GALNTL6: variants seen among roughly 807,000 people sequenced by gnomAD.
GALNTL6 encodes the protein polypeptide N-acetylgalactosaminyltransferase-like 6.
Under a neutral mutation model 73.7 loss-of-function variants are expected in GALNTL6, and 46 were observed. That is an observed-to-expected ratio of 0.62 (90% CI 0.49 to 0.80). The LOEUF is 0.80. Ranked by LOEUF, GALNTL6 falls within the 30% of genes least tolerant of loss-of-function variation. The pLI, the probability that GALNTL6 is intolerant of heterozygous loss-of-function variation, is 0.00. For missense variants in GALNTL6, 604 were observed against 755.0 expected (o/e 0.80, Z 2.34); for synonymous variants, 259 against 263.7 (o/e 0.98, Z 0.17).
intron 3 of GALNTL6, among the ~76,000 whole-genome samples, chr4:172,308,547 C>T (rs1740239394): frequency 6.6e-6 from 1 of 152,054 alleles, no homozygotes; most frequent in Non-Finnish European, 1.5e-5. Flanking sequence ...TAAAGGGATG[C>T]TGGATTTTGT....
intron 5 of GALNTL6, among the ~76,000 whole-genome samples, chr4:172,398,971 C>CA (rs759530368): frequency 1.5e-4 from 22 of 151,198 alleles, no homozygotes; most frequent in Admixed American, 1.3e-3. Context: ...GAAATTAACA[C>CA]AAAAAAAATC....
In GALNTL6 at chr4:172,034,559, G is replaced by A. The variant is rs374072952; in HGVS notation, c.139-195097G>A. ...TCTTTGGCAAGTCAGACTCAGTGGTGTGATGTGCACACTTAGTCATCTTAC... is the reference window on the plus strand; with the variant it reads ...TCTTTGGCAAGTCAGACTCAGTGGTATGATGTGCACACTTAGTCATCTTAC... On this transcript the variant is annotated intron_variant, in intron 2 of 12. Coordinates refer to ENST00000506823, the MANE Select transcript of GALNTL6 (RefSeq NM_001034845.3). 7.2e-5 allele frequency among the ~76,000 whole-genome samples: 11 copies of A among 152,148 alleles called. No homozygotes were observed. In the South Asian group the frequency reaches 1.0e-3, roughly 14 times the overall value.
intron 10 of GALNTL6, among the ~76,000 whole-genome samples, chr4:173,001,463 A>G (rs923341584): frequency 7.2e-5 from 11 of 152,362 alleles, no homozygotes; most frequent in African/African-American, 2.6e-4. Context: ...AATGTCAATG[A>G]TCTCTTAAAT....
At chr4:172,871,611 AGTGTGTGTGT>A (rs5864173) in intron 7 of GALNTL6, among the ~76,000 whole-genome samples, 3 of 137,512 alleles carry the variant, frequency 2.2e-5, no homozygotes, top group African/African-American at 5.4e-5. Context: ...TGTGTGTGAG[AGTGTGTGTGT>A]GTGTGTGTGT....
At chr4:172,639,969 A>G (rs1739894667) in intron 5 of GALNTL6, among the ~76,000 whole-genome samples, 1 of 152,050 alleles carries the variant, frequency 6.6e-6, no homozygotes, top group Admixed American at 6.6e-5. Context: ...TTTTTTAAAA[A>G]AAATCTTTCA....
At chr4:172,481,959 G>C (rs532654368) in intron 5 of GALNTL6, among the ~76,000 whole-genome samples, 2 of 152,174 alleles carry the variant, frequency 1.3e-5, no homozygotes, top group Non-Finnish European at 2.9e-5. Context: ...GGGGAGGCTC[G>C]GGCTGCCAGG....
chr4:172,038,433 C>A (rs940209261), intron 2 of GALNTL6, among the ~76,000 whole-genome samples: 1 of 152,024 alleles, frequency 6.6e-6, no homozygotes, highest in East Asian at 1.9e-4. Context: ...ACACATTGTC[C>A]TTGCTTTGCT....
intron 5 of GALNTL6, among the ~76,000 whole-genome samples, chr4:172,542,818 C>T (rs539562810): frequency 2.5e-4 from 38 of 152,024 alleles, no homozygotes; most frequent in African/African-American, 8.7e-4. Flanking sequence ...GCTGGCCGGG[C>T]GCAGTGGCTC....
At chr4:171,824,052 C>T (rs1211943193) in intron 2 of GALNTL6, among the ~76,000 whole-genome samples, 2 of 141,862 alleles carry the variant, frequency 1.4e-5, no homozygotes, top group African/African-American at 5.2e-5. Flanking sequence ...TTAAACTGCT[C>T]TTAAGTCCTC....
intron 2 of GALNTL6, among the ~76,000 whole-genome samples, chr4:171,956,583 A>G (rs182333082): frequency 6.6e-6 from 1 of 152,214 alleles, no homozygotes; most frequent in East Asian, 1.9e-4. Flanking sequence ...ATAATTTCAT[A>G]TTTCTTCTTT....
At chr4:172,006,674 T>C (rs1490313923) in intron 2 of GALNTL6, among the ~76,000 whole-genome samples, 1 of 151,842 alleles carries the variant, frequency 6.6e-6, no homozygotes, top group Non-Finnish European at 1.5e-5. Flanking sequence ...GATGCAACAA[T>C]TGAAGTAAAA....
chr4:172,016,765 T>C (rs1021555735), intron 2 of GALNTL6, among the ~76,000 whole-genome samples: 1 of 151,996 alleles, frequency 6.6e-6, no homozygotes, highest in East Asian at 1.9e-4. Flanking sequence ...ATTTAATTTT[T>C]TTATCCCTCT....
chr4:172,558,325 T>C lies in GALNTL6; in HGVS notation c.553+209636T>C, dbSNP rs189807065. Reference sequence around the variant, plus strand: ...TTAAATGAGGGGTTATGAACTGAATTGTGTTCCTGTAAAATTCATATATTG... The same window carrying C: ...TTAAATGAGGGGTTATGAACTGAATCGTGTTCCTGTAAAATTCATATATTG... On this transcript the variant is annotated intron_variant, in intron 5 of 12. Coordinates refer to ENST00000506823, the MANE Select transcript of GALNTL6 (RefSeq NM_001034845.3). Among the ~76,000 whole-genome samples, 8 of 152,308 alleles carry C rather than the reference T, an allele frequency of 5.3e-5. No individual in the cohort carries two copies. In the East Asian group the frequency reaches 1.5e-3, roughly 29 times the overall value.
At chr4:171,988,781 T>C (rs1271159769) in intron 2 of GALNTL6, among the ~76,000 whole-genome samples, 3 of 152,104 alleles carry the variant, frequency 2.0e-5, no homozygotes, top group African/African-American at 7.2e-5. Context: ...GATATTGGCA[T>C]TGAGCCGGGT....
Position 172,311,765 on chromosome 4 carries a change from A to G in GALNTL6, c.386+13A>G, listed in dbSNP as rs373109803. On this transcript the variant is annotated intron_variant, in intron 4 of 12. Coordinates refer to ENST00000506823, the MANE Select transcript of GALNTL6 (RefSeq NM_001034845.3). ...TTCGTCATGCTAAGTGAGTATCAGCATATCAGTGATCAGGGTGGGTTTTTT... is the reference window on the plus strand; with the variant it reads ...TTCGTCATGCTAAGTGAGTATCAGCGTATCAGTGATCAGGGTGGGTTTTTT... The G allele has an allele frequency of 9.0e-5, 139 of 1,540,498 alleles. No individual in the cohort carries two copies. Among genetic ancestry groups the G allele is most frequent in the East Asian group, 4.6e-5 (2 of 43,068 alleles).
chr4:172,838,934 C>CA (rs1743059068), intron 7 of GALNTL6, among the ~76,000 whole-genome samples: 1 of 152,048 alleles, frequency 6.6e-6, no homozygotes, highest in South Asian at 2.1e-4. Flanking sequence ...TTAGATTATC[C>CA]AACTAGAGCA....
intron 5 of GALNTL6, among the ~76,000 whole-genome samples, chr4:172,417,695 C>T (rs796167179): frequency 7.2e-5 from 11 of 151,996 alleles, no homozygotes; most frequent in African/African-American, 2.7e-4. Context: ...AAAGATATTG[C>T]GATTGTTTTT....
intron 5 of GALNTL6, among the ~76,000 whole-genome samples, chr4:172,644,284 CACATAT>C (rs200324718): frequency 2.0e-5 from 3 of 151,404 alleles, no homozygotes; most frequent in Admixed American, 6.6e-5. Context: ...AGTGAACACA[CACATAT>C]ACATATACAT....
chr4:171,887,015 C>T (rs1239527815), intron 2 of GALNTL6, among the ~76,000 whole-genome samples: 1 of 152,148 alleles, frequency 6.6e-6, no homozygotes, highest in Non-Finnish European at 1.5e-5. Flanking sequence ...ATACCACAGA[C>T]TAGGTAATTC....
Sources: gnomAD v4.1 joint callset for allele counts (sites outside exome capture counted in the v4.1 genomes callset) on GRCh38, gnomAD v4.1.1 for gene constraint, MANE v1.5 for transcripts, NCBI Gene and HGNC (gene_info 2026-07-23, HGNC 2026-07-21) for gene names.